The following PCGF3 variants were observed in gnomAD, a reference collection of about 807,000 sequenced individuals.
The protein encoded by PCGF3 is polycomb group ring finger 3.
In PCGF3, 7 loss-of-function variants were observed where a neutral mutation model predicts 33.1. That is an observed-to-expected ratio of 0.21 (90% CI 0.12 to 0.40). The LOEUF (loss-of-function observed/expected upper bound fraction) is 0.40. PCGF3 is among the 10% of genes least tolerant of loss of function. The pLI, the probability that PCGF3 is intolerant of heterozygous loss-of-function variation, is 1.00. For missense variants in PCGF3, 211 were observed against 313.3 expected (o/e 0.67, Z 2.46); for synonymous variants, 153 against 121.3 (o/e 1.26, Z -1.72).
intron 1 of PCGF3, among the ~76,000 whole-genome samples, chr4:719,702 G>A (rs536999699): frequency 6.6e-6 from 1 of 152,366 alleles, no homozygotes; most frequent in Admixed American, 6.5e-5. Flanking sequence ...GCAGGGCGGT[G>A]CAGGCAGGGT....
intron 1 of PCGF3, among the ~76,000 whole-genome samples, chr4:717,507 G>T (rs554669377): frequency 9.8e-5 from 15 of 152,312 alleles, no homozygotes; most frequent in Admixed American, 9.1e-4. Flanking sequence ...AGCCTCCTGA[G>T]TAGCTGGGAC....
chr4:732,239 G>A (rs1414984747), intron 3 of PCGF3, among the ~76,000 whole-genome samples: 3 of 149,762 alleles, frequency 2.0e-5, no homozygotes, highest in Non-Finnish European at 3.0e-5. Flanking sequence ...CGTAGGGTGG[G>A]GCTCCCCCTC....
exon 7 of PCGF3, chr4:743,534 T>C (rs749376888): frequency 1.9e-6 from 3 of 1,613,580 alleles, no homozygotes; most frequent in Non-Finnish European, 2.5e-6. Flanking sequence ...CCGGGAGACA[T>C]CAAGGGGGAG....
At chr4:738,070 C>T (rs1405788278) in intron 6 of PCGF3, among the ~76,000 whole-genome samples, 1 of 152,262 alleles carries the variant, frequency 6.6e-6, no homozygotes, top group Non-Finnish European at 1.5e-5. Flanking sequence ...ACGGTGGTGG[C>T]CCTCCGCTGG....
At chr4:735,535 ACT>A (rs59218457) in intron 5 of PCGF3, among the ~76,000 whole-genome samples, 52,221 of 152,014 alleles carry the variant, frequency 0.34, 9,065 homozygotes, top group Middle Eastern at 0.42. Context: ...ACAGAGCGAG[ACT>A]CTGTCTCAAA....
At chr4:744,453 G>C in intron 7 of PCGF3, 147 bp from the exon 8 acceptor site, 3 of 638,952 alleles carry the variant, frequency 4.7e-6, no homozygotes, top group Non-Finnish European at 5.5e-6. Flanking sequence ...CTTTGCGGAC[G>C]GCTTTCCTTT....
intron 10 of PCGF3, among the ~76,000 whole-genome samples, chr4:765,373 C>T (rs1442928057): frequency 6.6e-6 from 1 of 151,546 alleles, no homozygotes; most frequent in African/African-American, 2.4e-5. Context: ...ACGAAGCTTG[C>T]AGTGAGCCAA....
intron 1 of PCGF3, among the ~76,000 whole-genome samples, chr4:726,619 C>T (rs973172016): frequency 1.3e-5 from 2 of 152,168 alleles, no homozygotes; most frequent in Admixed American, 1.3e-4. Flanking sequence ...ATGACGATAC[C>T]CTCCTTAGCA....
At chr4:723,075 C>T (rs1338025887) in intron 1 of PCGF3, among the ~76,000 whole-genome samples, 1 of 141,992 alleles carries the variant, frequency 7.0e-6, no homozygotes, top group East Asian at 2.2e-4. Context: ...TCCACACTCG[C>T]GTCATCGCCC....
At chr4:748,688 T>C (rs1256573431) in intron 8 of PCGF3, among the ~76,000 whole-genome samples, 1 of 152,170 alleles carries the variant, frequency 6.6e-6, no homozygotes, top group East Asian at 1.9e-4. Context: ...TGACCCCGGT[T>C]TCACTGCCAT....
At chr4:725,929 G>T (rs1267159906) in intron 1 of PCGF3, among the ~76,000 whole-genome samples, 3 of 152,138 alleles carry the variant, frequency 2.0e-5, no homozygotes, top group Non-Finnish European at 4.4e-5. Context: ...GAGCCCCAGG[G>T]CCACTCTCCG....
intron 8 of PCGF3, among the ~76,000 whole-genome samples, chr4:760,700 C>T (rs918888650): frequency 6.6e-6 from 1 of 152,238 alleles, no homozygotes; most frequent in Non-Finnish European, 1.5e-5. Context: ...GCCGGCCGGG[C>T]CCTTGGGTGA....
Position 734,916 on chromosome 4 carries a change from G to T in PCGF3, c.110-15G>T. On this transcript the variant is annotated splice_polypyrimidine_tract_variant and intron_variant, in intron 4 of 10. Transcript: ENST00000362003. ...CTCTAGACGCTCTCCTAACACACCT[G>T]TGCTTTGATGACAGTCTGCAGGAGC... The T allele has an allele frequency of 6.2e-7, 1 of 1,612,170 alleles. No homozygotes were observed. Among genetic ancestry groups the T allele is most frequent in the Non-Finnish European group, 8.5e-7 (1 of 1,179,390 alleles).
At chr4:769,119 T>C (rs918298669) in exon 11 of PCGF3, 1 of 152,720 alleles carries the variant, frequency 6.5e-6, no homozygotes, top group African/African-American at 2.4e-5. Flanking sequence ...ACCTCAGTCC[T>C]GCCTGGGTCC....
At chr4:716,617 G>A (rs528322693) in intron 1 of PCGF3, among the ~76,000 whole-genome samples, 2 of 124,894 alleles carry the variant, frequency 1.6e-5, no homozygotes, top group Non-Finnish European at 3.3e-5. Context: ...ACTGGGTGTC[G>A]GTGCTGGGAC....
chr4:724,979 A>C (rs1743265366), intron 1 of PCGF3: 1 of 152,154 alleles, frequency 6.6e-6, no homozygotes, highest in East Asian at 1.9e-4. Flanking sequence ...AAAAGCAAAG[A>C]AAAGAAATTA....
chr4:719,988 G>A (rs1361520799), intron 1 of PCGF3, among the ~76,000 whole-genome samples: 1 of 152,190 alleles, frequency 6.6e-6, no homozygotes, highest in African/African-American at 2.4e-5. Flanking sequence ...AGCTAATGTT[G>A]GGCTGGGGGC....
At position 764,856 on chromosome 4, in the gene PCGF3, C is replaced by CG. The variant is rs527246227; in HGVS notation, c.601-128_601-127insG. On this transcript the variant is annotated intron_variant, in intron 9 of 10. Transcript: ENST00000362003. The stretch of plus-strand genomic sequence containing the variant: ...GAGGAATACATGAACCAGCCCCCCC[C>CG]ACCCCATCTCTAGGCACGTTCTTGC... 188 of 648,086 alleles carry CG rather than the reference C, an allele frequency of 2.9e-4. 1 individual carries two copies. In the South Asian group the frequency reaches 3.2e-3, roughly 11 times the overall value. The allele number at this position is 648,086 out of a possible 1,614,324, so 40.1% of individuals were successfully genotyped here.
exon 11 of PCGF3, chr4:768,831 T>C (rs545310229): frequency 3.0e-4 from 46 of 152,798 alleles, no homozygotes; most frequent in African/African-American, 1.0e-3. Flanking sequence ...TTCTTTTTAC[T>C]TTGAGTAGCT....
Sources: gnomAD v4.1 joint callset for allele counts (sites outside exome capture counted in the v4.1 genomes callset) on GRCh38, gnomAD v4.1.1 for gene constraint, MANE v1.5 for transcripts, NCBI Gene and HGNC (gene_info 2026-07-23, HGNC 2026-07-21) for gene names.